The following PRKG1 variants were observed in gnomAD, a reference collection of about 807,000 sequenced individuals.
PRKG1 encodes the protein cGMP-dependent protein kinase 1.
In PRKG1, 35 loss-of-function variants were observed where a neutral mutation model predicts 88.1. The ratio of observed to expected loss-of-function variants is 0.40; its 90% CI spans 0.30 to 0.53. PRKG1 has a LOEUF of 0.53. Among genes scored for constraint, PRKG1 ranks in the 20% least tolerant of loss-of-function variants. The pLI is 0.59. For missense variants in PRKG1, 540 were observed against 839.8 expected (o/e 0.64, Z 4.41); for synonymous variants, 303 against 292.5 (o/e 1.04, Z -0.37).
chr10:51,731,713 A>T (rs1269175559), intron 3 of PRKG1, among the ~76,000 whole-genome samples: 3 of 152,190 alleles, frequency 2.0e-5, no homozygotes, highest in Non-Finnish European at 4.4e-5. Context: ...CTCTCAAAGG[A>T]GAAGTTTAGA....
intron 1 of PRKG1, among the ~76,000 whole-genome samples, chr10:51,011,617 T>C (rs1002569351): frequency 6.6e-6 from 1 of 152,192 alleles, no homozygotes; most frequent in African/African-American, 2.4e-5. Flanking sequence ...CATAAACATA[T>C]CAACATTTAA....
intron 5 of PRKG1, among the ~76,000 whole-genome samples, chr10:52,015,997 A>G (rs1845030071): frequency 6.6e-6 from 1 of 152,220 alleles, no homozygotes; most frequent in Non-Finnish European, 1.5e-5. Context: ...CCATTAAACA[A>G]ATGTCTAGAA....
At chr10:52,162,285 G>T (rs1838297318) in intron 9 of PRKG1, among the ~76,000 whole-genome samples, 1 of 152,122 alleles carries the variant, frequency 6.6e-6, no homozygotes, top group South Asian at 2.1e-4. Context: ...AATGGTGGTT[G>T]TGTTCCATAG....
At chr10:51,415,594 A>G (rs1838213990) in intron 2 of PRKG1, among the ~76,000 whole-genome samples, 1 of 152,184 alleles carries the variant, frequency 6.6e-6, no homozygotes, top group Admixed American at 6.5e-5. Context: ...TTGCTCATAC[A>G]GGCAGAAAAG....
chr10:51,514,825 G>A (rs1231184762), intron 3 of PRKG1, among the ~76,000 whole-genome samples: 1 of 152,148 alleles, frequency 6.6e-6, no homozygotes, highest in Non-Finnish European at 1.5e-5. Flanking sequence ...TTTTATTGCT[G>A]GGAATTTATC....
intron 3 of PRKG1, among the ~76,000 whole-genome samples, chr10:51,747,992 G>T (rs934368716): frequency 6.6e-6 from 1 of 152,090 alleles, no homozygotes; most frequent in Non-Finnish European, 1.5e-5. Context: ...ACTTGCCTGA[G>T]GTCTGTATAG....
chr10:51,687,256 A>G (rs757596859), intron 3 of PRKG1, among the ~76,000 whole-genome samples: 1 of 152,254 alleles, frequency 6.6e-6, no homozygotes, highest in Non-Finnish European at 1.5e-5. Flanking sequence ...AAATTGCAGT[A>G]TAGAGTTTTG....
At position 51,786,509 on chromosome 10, in the gene PRKG1, A is replaced by G. The variant is rs944677007; in HGVS notation, c.593-18076A>G. On this transcript the variant is annotated intron_variant, in intron 3 of 17. Coordinates refer to ENST00000373980, the MANE Select transcript of PRKG1 (RefSeq NM_006258.4). ...AGGCCTAACTGTAAGCACTTTTTCC[A>G]TGGGGAACTCTTCCCTCACCACTAG... Among the ~76,000 whole-genome samples the G allele has an allele frequency of 3.3e-5, 5 of 152,104 alleles. No homozygotes were observed. In the East Asian group the frequency reaches 9.7e-4, roughly 30 times the overall value.
intron 2 of PRKG1, among the ~76,000 whole-genome samples, chr10:51,364,402 G>C (rs201660366): frequency 6.6e-6 from 1 of 151,938 alleles, no homozygotes; most frequent in Non-Finnish European, 1.5e-5. Flanking sequence ...AAAGGCTATT[G>C]ACAATAACCT....
chr10:51,083,034 GACT>G (rs1388176680), intron 1 of PRKG1, among the ~76,000 whole-genome samples: 2 of 152,172 alleles, frequency 1.3e-5, no homozygotes, highest in Admixed American at 1.3e-4. Context: ...GATTGTTACA[GACT>G]ACTTGAATTC....
At chr10:52,207,063 AC>A (rs1002444000) in intron 9 of PRKG1, among the ~76,000 whole-genome samples, 2 of 152,258 alleles carry the variant, frequency 1.3e-5, no homozygotes. Context: ...ATGCACACTT[AC>A]CCCAGTAGTG....
chr10:51,750,050 CTCAGCCTCCT>C (rs753463890), intron 3 of PRKG1, among the ~76,000 whole-genome samples: 22 of 150,866 alleles, frequency 1.5e-4, no homozygotes, highest in Non-Finnish European at 2.5e-4. Flanking sequence ...ATTCTCCTGT[CTCAGCCTCCT>C]GAGTAGCTGG....
chr10:51,394,137 C>T, intron 2 of PRKG1, among the ~76,000 whole-genome samples: 1 of 152,328 alleles, frequency 6.6e-6, no homozygotes, highest in East Asian at 1.9e-4. Context: ...AACTTACCGG[C>T]TTCTAAAAAC....
chr10:51,405,309 G>A (rs1837878762), intron 2 of PRKG1, among the ~76,000 whole-genome samples: 2 of 152,162 alleles, frequency 1.3e-5, no homozygotes, highest in Non-Finnish European at 2.9e-5. Flanking sequence ...TCCTAGAGAA[G>A]GTGACAGTGG....
intron 3 of PRKG1, among the ~76,000 whole-genome samples, chr10:51,797,577 G>A (rs892275145): frequency 2.8e-5 from 4 of 145,230 alleles, no homozygotes; most frequent in African/African-American, 7.5e-5. Context: ...ATTATTTTAT[G>A]TTATATATAA....
At chr10:51,090,007 C>T (rs1225225200) in intron 1 of PRKG1, among the ~76,000 whole-genome samples, 1 of 152,160 alleles carries the variant, frequency 6.6e-6, no homozygotes, top group Non-Finnish European at 1.5e-5. Context: ...CAGAACATGG[C>T]ATATACAATG....
At chr10:51,271,706 A>T (rs1839984233) in intron 2 of PRKG1, among the ~76,000 whole-genome samples, 1 of 152,170 alleles carries the variant, frequency 6.6e-6, no homozygotes. Context: ...GCTGAGAATG[A>T]TGGTTTCCAG....
In PRKG1 at chr10:51,626,630, AGC is replaced by A. The variant is rs1839343809; in HGVS notation, c.592+158795_592+158796del. On this transcript the variant is annotated intron_variant, in intron 3 of 17. Coordinates refer to ENST00000373980, the MANE Select transcript of PRKG1 (RefSeq NM_006258.4). ...TTCTTCTGCTTTTTATCTTTTACAT[AGC>A]AACAATCCATCATCTTTTGGGCCAA... Among the ~76,000 whole-genome samples, 4 of 152,258 alleles carry A rather than the reference AGC, an allele frequency of 2.6e-5. No individual in the cohort carries two copies. In the South Asian group the frequency reaches 8.3e-4, roughly 32 times the overall value.
At chr10:52,192,473 C>T (rs1240682912) in intron 9 of PRKG1, among the ~76,000 whole-genome samples, 1 of 151,974 alleles carries the variant, frequency 6.6e-6, no homozygotes, top group African/African-American at 2.4e-5. Context: ...TTGCAGTATT[C>T]CCATTTTATT....
Sources: allele counts gnomAD v4.1 joint callset (sites outside exome capture counted in the v4.1 genomes callset), GRCh38; gene constraint gnomAD v4.1.1; transcripts MANE v1.5; gene names NCBI Gene and HGNC (gene_info 2026-07-23, HGNC 2026-07-21).